The following BLTP3B variants were observed in gnomAD, a reference collection of about 807,000 sequenced individuals.
BLTP3B encodes the protein bridge-like lipid transfer protein family member 3B, also known as UHRF1 (ICBP90) binding protein 1-like.
At chr12:100,047,662 G>T in the BLTP3B span, 6 of 1,455,982 alleles carry the variant, frequency 4.1e-6, no homozygotes, top group Non-Finnish European at 5.8e-6. Flanking sequence ...AAATAACATT[G>T]ACATGTTACT....
At chr12:100,113,203 C>T in the BLTP3B span, among the ~76,000 whole-genome samples, 2 of 151,146 alleles carry the variant, frequency 1.3e-5, no homozygotes, top group Non-Finnish European at 2.9e-5. Context: ...CGGCCGGGTG[C>T]GGTGGCTCAT....
chr12:100,057,505 A>C, the BLTP3B span: 19 of 1,336,636 alleles, frequency 1.4e-5, no homozygotes, highest in Non-Finnish European at 1.9e-5. Flanking sequence ...ATATAACTAA[A>C]AGCATCCCTT....
the BLTP3B span, among the ~76,000 whole-genome samples, chr12:100,083,906 A>T: frequency 6.6e-6 from 1 of 152,174 alleles, no homozygotes; most frequent in African/African-American, 2.4e-5. Context: ...TACTTGGCTT[A>T]GGCCGGGCGT....
chr12:100,051,527 C>G, the BLTP3B span: 1 of 222,164 alleles, frequency 4.5e-6, no homozygotes, highest in Non-Finnish European at 8.7e-6. Flanking sequence ...GTAAGAAAAC[C>G]TAAAGACATA....
chr12:100,079,445 C>T, the BLTP3B span, among the ~76,000 whole-genome samples: 1 of 152,206 alleles, frequency 6.6e-6, no homozygotes, highest in African/African-American at 2.4e-5. Flanking sequence ...CATTTTGCCC[C>T]TGCCCTAGAG....
chr12:100,059,085 G>C, the BLTP3B span: 1 of 1,613,982 alleles, frequency 6.2e-7, no homozygotes, highest in South Asian at 1.1e-5. Context: ...ATATCTTGTT[G>C]GTTGACAAAT....
chr12:100,139,862 T>C, the BLTP3B span, among the ~76,000 whole-genome samples: 1 of 151,918 alleles, frequency 6.6e-6, no homozygotes, highest in African/African-American at 2.4e-5. Context: ...TGGAGAAAAA[T>C]AATGCAAGCA....
chr12:100,056,812 G>A, the BLTP3B span, among the ~76,000 whole-genome samples: 1 of 151,346 alleles, frequency 6.6e-6, no homozygotes, highest in Non-Finnish European at 1.5e-5. Context: ...ACTCCAGCCT[G>A]GGCGACAGAG....
the BLTP3B span, among the ~76,000 whole-genome samples, chr12:100,141,461 ACG>A: frequency 2.0e-5 from 3 of 148,232 alleles, no homozygotes; most frequent in African/African-American, 7.6e-5. Flanking sequence ...ACACACACAC[ACG>A]CTGCTATACT....
At chr12:100,103,797 C>T in the BLTP3B span, 4 of 868,880 alleles carry the variant, frequency 4.6e-6, no homozygotes, top group Non-Finnish European at 6.6e-6. Flanking sequence ...TAAAATGAAA[C>T]CTAACTGGTG....
At chr12:100,065,242 C>A in the BLTP3B span, among the ~76,000 whole-genome samples, 2 of 151,664 alleles carry the variant, frequency 1.3e-5, no homozygotes, top group Non-Finnish European at 2.9e-5. Flanking sequence ...GTGATGAATG[C>A]GTTAACTATA....
At chr12:100,140,930 A>C in the BLTP3B span, among the ~76,000 whole-genome samples, 1 of 151,468 alleles carries the variant, frequency 6.6e-6, no homozygotes, top group South Asian at 2.1e-4. Context: ...TTAAACTCTA[A>C]TGCACTATCT....
At chr12:100,141,846 G>C in the BLTP3B span, among the ~76,000 whole-genome samples, 3 of 151,742 alleles carry the variant, frequency 2.0e-5, no homozygotes, top group Admixed American at 6.6e-5. Flanking sequence ...GAAATGGAGA[G>C]AATGACATGT....
the BLTP3B span, among the ~76,000 whole-genome samples, chr12:100,115,019 T>C: frequency 4.6e-5 from 7 of 152,248 alleles, no homozygotes; most frequent in Admixed American, 3.3e-4. Flanking sequence ...AGAAATACAC[T>C]ATACATAACA....
the BLTP3B span, among the ~76,000 whole-genome samples, chr12:100,115,485 T>C: frequency 6.6e-6 from 1 of 152,156 alleles, no homozygotes; most frequent in African/African-American, 2.4e-5. Flanking sequence ...TAAGTAAGTA[T>C]AGGCCGGGCG....
chr12:100,054,037 A>G, the BLTP3B span, among the ~76,000 whole-genome samples: 1 of 152,200 alleles, frequency 6.6e-6, no homozygotes, highest in African/African-American at 2.4e-5. Flanking sequence ...GATCCTAAAA[A>G]TAGTCTACTG....
At chr12:100,100,198 G>A in the BLTP3B span, among the ~76,000 whole-genome samples, 5 of 151,970 alleles carry the variant, frequency 3.3e-5, no homozygotes, top group African/African-American at 7.2e-5. Context: ...CCAGCTACTC[G>A]GGAGGCTGAG....
At chr12:100,048,802 G>GTGTGTT in the BLTP3B span, among the ~76,000 whole-genome samples, 1 of 151,200 alleles carries the variant, frequency 6.6e-6, no homozygotes, top group East Asian at 1.9e-4. Flanking sequence ...GTGTGTGTGT[G>GTGTGTT]TGTGTGTGTA....
At chr12:100,058,283 G>A in the BLTP3B span, 1 of 1,612,922 alleles carries the variant, frequency 6.2e-7, no homozygotes, top group Non-Finnish European at 8.5e-7. Flanking sequence ...AATCCTTTTT[G>A]TCACTTGTTT....
Sources: gnomAD v4.1 joint callset for allele counts (sites outside exome capture counted in the v4.1 genomes callset) on GRCh38, gnomAD v4.1.1 for gene constraint, MANE v1.5 for transcripts, NCBI Gene and HGNC (gene_info 2026-07-23, HGNC 2026-07-21) for gene names.